The following AXDND1 variants were observed in gnomAD, a reference collection of about 807,000 sequenced individuals.
The protein encoded by AXDND1 is axonemal dynein light chain domain-containing protein 1.
Under a neutral mutation model 137.5 loss-of-function variants are expected in AXDND1, and 110 were observed. That is an observed-to-expected ratio of 0.80 (90% CI 0.69 to 0.94). AXDND1 has a LOEUF of 0.94. Among genes scored for constraint, AXDND1 ranks in the 40% least tolerant of loss-of-function variants. The pLI is 0.00. For synonymous variants in AXDND1, 414 were observed against 399.7 expected, an observed-to-expected ratio of 1.04 and a Z score of -0.43; for missense variants, 1,191 against 1,169.8, an observed-to-expected ratio of 1.02 and a Z score of -0.26.
chr1:179,533,929 G>A (rs1671272062), intron 24 of AXDND1, 52 bp downstream of exon 24: 3 of 1,510,758 alleles, frequency 2.0e-6, no homozygotes, highest in African/African-American at 2.8e-5. Flanking sequence ...TGGCCAGAAG[G>A]TTTGACTGAG....
intron 20 of AXDND1, among the ~76,000 whole-genome samples, chr1:179,501,374 C>T (rs1028226631): frequency 2.0e-5 from 3 of 152,110 alleles, no homozygotes; most frequent in African/African-American, 7.2e-5. Flanking sequence ...TTTATATAAG[C>T]ATGGCATACA....
intron 25 of AXDND1, among the ~76,000 whole-genome samples, chr1:179,538,791 G>T (rs576056495): frequency 6.6e-6 from 1 of 151,534 alleles, no homozygotes; most frequent in African/African-American, 2.4e-5. Flanking sequence ...TAACAGTGGG[G>T]TGTTAAAGTC....
chr1:179,533,488 T>A (rs1462724348), intron 23 of AXDND1, among the ~76,000 whole-genome samples: 1 of 152,194 alleles, frequency 6.6e-6, no homozygotes, highest in Non-Finnish European at 1.5e-5. Flanking sequence ...CCTTATTTTT[T>A]AAATCTTTTT....
At chr1:179,397,625 G>A (rs1017236682) in intron 11 of AXDND1, among the ~76,000 whole-genome samples, 67 of 152,290 alleles carry the variant, frequency 4.4e-4, no homozygotes, top group African/African-American at 1.5e-3. Context: ...GGACATCAAT[G>A]AGTCATAGAT....
At chr1:179,480,970 T>A (rs1430012255) in intron 17 of AXDND1, among the ~76,000 whole-genome samples, 2 of 142,428 alleles carry the variant, frequency 1.4e-5, no homozygotes, top group Non-Finnish European at 3.1e-5. Context: ...TATTCATTTT[T>A]ATTTTTTTAT....
At chr1:179,502,010 A>G (rs562389879) in intron 20 of AXDND1, among the ~76,000 whole-genome samples, 1 of 152,348 alleles carries the variant, frequency 6.6e-6, no homozygotes, top group East Asian at 1.9e-4. Context: ...ATTAAAACAA[A>G]AACAATCCAC....
At chr1:179,458,910 A>T (rs1404160481) in intron 16 of AXDND1, among the ~76,000 whole-genome samples, 2 of 152,040 alleles carry the variant, frequency 1.3e-5, no homozygotes. Flanking sequence ...AATAAAGTAA[A>T]ATAACAGATA....
At chr1:179,484,023 T>G (rs904226575) in intron 18 of AXDND1, among the ~76,000 whole-genome samples, 1 of 152,098 alleles carries the variant, frequency 6.6e-6, no homozygotes, top group African/African-American at 2.4e-5. Flanking sequence ...AGAGGGAAGA[T>G]AGAGATGCTG....
In AXDND1 at chr1:179,445,113, G is replaced by C; in HGVS notation, c.1707G>C (p.Glu569Asp). 1 of 1,613,386 alleles carries C rather than the reference G, an allele frequency of 6.2e-7. No individual in the cohort carries two copies. The highest frequency in any genetic ancestry group is 2.2e-5 in the East Asian group (1 of 44,826). The stretch of plus-strand genomic sequence containing the variant: ...ATCGGCATAAAAGTTTGGAGGGGGA[G>C]ATGCCATCAGAGCGACAGTACATGG... ...IFNRHKSLEG[E>D]MPSERQYMEE... is the part of the protein sequence containing the mutation. The change falls in exon 16 of 26, where the codon GAG (glutamate) becomes GAC (aspartate). Residue 569 changes from glutamate to aspartate, a missense_variant. Coordinates refer to ENST00000367618, the MANE Select transcript of AXDND1 (RefSeq NM_144696.6).
intron 20 of AXDND1, among the ~76,000 whole-genome samples, chr1:179,496,405 C>T (rs1048166980): frequency 6.6e-6 from 1 of 152,000 alleles, no homozygotes; most frequent in African/African-American, 2.4e-5. Context: ...ATACATTTAT[C>T]ACATATAGAG....
At chr1:179,499,052 A>T (rs540530387) in intron 20 of AXDND1, among the ~76,000 whole-genome samples, 6 of 152,160 alleles carry the variant, frequency 3.9e-5, no homozygotes, top group Non-Finnish European at 8.8e-5. Flanking sequence ...ACAGAGCTAC[A>T]GTTCAACACA....
At chr1:179,407,375 G>A (rs1465316433) in intron 11 of AXDND1, among the ~76,000 whole-genome samples, 3 of 151,670 alleles carry the variant, frequency 2.0e-5, no homozygotes, top group Non-Finnish European at 4.4e-5. Context: ...CTACAGGCGC[G>A]TGCCACCATG....
intron 21 of AXDND1, among the ~76,000 whole-genome samples, chr1:179,510,693 G>A (rs1190550842): frequency 6.6e-6 from 1 of 152,160 alleles, no homozygotes; most frequent in African/African-American, 2.4e-5. Context: ...CGTGAGAGCA[G>A]AAGGGAATTT....
chr1:179,525,320 G>C lies in AXDND1; in HGVS notation c.2497-14G>C. On this transcript the variant is annotated splice_polypyrimidine_tract_variant and intron_variant, in intron 21 of 25. Coordinates refer to ENST00000367618, the MANE Select transcript of AXDND1 (RefSeq NM_144696.6). ...ATATACACCCTTTAATCATAATATT[G>C]GTTCATCTCACAGGAGGCTGTAAAA... The C allele has an allele frequency of 6.3e-7, 1 of 1,599,028 alleles. No homozygotes were observed. Among genetic ancestry groups the C allele is most frequent in the Non-Finnish European group, 8.5e-7 (1 of 1,173,824 alleles).
intron 24 of AXDND1, 58 bp downstream of exon 24, chr1:179,533,935 C>T: frequency 6.8e-7 from 1 of 1,476,058 alleles, no homozygotes; most frequent in Non-Finnish European, 9.4e-7. Flanking sequence ...GAAGGTTTGA[C>T]TGAGAAATTC....
chr1:179,457,565 C>T (rs775766350), intron 16 of AXDND1, among the ~76,000 whole-genome samples: 8 of 152,132 alleles, frequency 5.3e-5, no homozygotes, highest in Non-Finnish European at 8.8e-5. Flanking sequence ...ACTTAAATCT[C>T]ACAAGACATT....
In AXDND1 at chr1:179,394,039, A is replaced by G. The variant is rs752115906; in HGVS notation, c.1000A>G (p.Thr334Ala). The G allele has an allele frequency of 6.2e-7, 1 of 1,601,958 alleles. No individual in the cohort carries two copies. The highest frequency in any genetic ancestry group is 2.3e-5 in the East Asian group (1 of 44,220). Reference protein sequence around the residue: ...YNFKHVIEELTRELCLVRAHD... With the variant: ...YNFKHVIEELARELCLVRAHD... ...TTTCAAGCATGTTATTGAAGAACTG[A>G]CCAGGTAAAAACTGTGATTATCTTA... The change falls in exon 10 of 26, where the codon ACC (threonine) becomes GCC (alanine). Residue 334 changes from threonine (T) to alanine (A), a missense_variant. Transcript: ENST00000367618.
chr1:179,528,010 T>C (rs1244211691), intron 22 of AXDND1, among the ~76,000 whole-genome samples: 2 of 152,214 alleles, frequency 1.3e-5, no homozygotes, highest in Non-Finnish European at 2.9e-5. Flanking sequence ...AGCACACTTT[T>C]ATGCTAACAG....
At chr1:179,476,618 G>C (rs1664664900) in intron 17 of AXDND1, among the ~76,000 whole-genome samples, 1 of 151,954 alleles carries the variant, frequency 6.6e-6, no homozygotes. Flanking sequence ...CATGTTTGTT[G>C]GATATAGGAT....
Sources: allele counts gnomAD v4.1 joint callset (sites outside exome capture counted in the v4.1 genomes callset), GRCh38; gene constraint gnomAD v4.1.1; transcripts MANE v1.5; gene names NCBI Gene and HGNC (gene_info 2026-07-23, HGNC 2026-07-21).